The following PTPRK variants were observed in gnomAD, a reference collection of about 807,000 sequenced individuals.
PTPRK encodes the protein receptor-type tyrosine-protein phosphatase kappa.
A neutral mutation model predicts 178.0 loss-of-function variants in PTPRK; 75 were observed. The observed-to-expected ratio is 0.42, with a 90% confidence interval of 0.35 to 0.51. The LOEUF (loss-of-function observed/expected upper bound fraction) is 0.51. PTPRK is among the 20% of genes least tolerant of loss of function. The pLI, the probability that PTPRK is intolerant of heterozygous loss-of-function variation, is 0.02. For missense variants in PTPRK, 1,441 were observed against 1,797.8 expected (o/e 0.80, Z 3.59); for synonymous variants, 637 against 620.6 (o/e 1.03, Z -0.39).
intron 1 of PTPRK, among the ~76,000 whole-genome samples, chr6:128,449,196 C>G (rs1048543951): frequency 3.6e-4 from 55 of 152,124 alleles, no homozygotes; most frequent in Non-Finnish European, 1.6e-4. Flanking sequence ...TGTTTGCACT[C>G]AAGTGATTTT....
chr6:128,283,641 T>C (rs1030087160), intron 3 of PTPRK, among the ~76,000 whole-genome samples: 25 of 152,082 alleles, frequency 1.6e-4, no homozygotes, highest in Middle Eastern at 6.8e-3. Flanking sequence ...GACCGAAAAA[T>C]AATATAAATA....
chr6:128,389,554 G>A (rs1839265050), intron 2 of PTPRK, among the ~76,000 whole-genome samples: 1 of 151,396 alleles, frequency 6.6e-6, no homozygotes, highest in Non-Finnish European at 1.5e-5. Context: ...GAAGTATAAG[G>A]TCATAACTGT....
chr6:127,974,152 T>C (rs756681686), intron 27 of PTPRK, among the ~76,000 whole-genome samples: 2 of 152,202 alleles, frequency 1.3e-5, no homozygotes, highest in Non-Finnish European at 2.9e-5. Context: ...CAGGTTCTGA[T>C]AATTACCTCC....
At chr6:128,121,697 T>C (rs528008125) in intron 7 of PTPRK, among the ~76,000 whole-genome samples, 108 of 152,146 alleles carry the variant, frequency 7.1e-4, no homozygotes, top group African/African-American at 2.6e-3. Flanking sequence ...CCCTAAATGA[T>C]TGCCTTTTTG....
chr6:128,105,584 A>C (rs1477437039), intron 7 of PTPRK, among the ~76,000 whole-genome samples: 1 of 152,214 alleles, frequency 6.6e-6, no homozygotes, highest in African/African-American at 2.4e-5. Flanking sequence ...GACAGAAAGA[A>C]AATTACTGAA....
At chr6:128,278,059 T>A (rs1051364391) in intron 3 of PTPRK, among the ~76,000 whole-genome samples, 3 of 152,088 alleles carry the variant, frequency 2.0e-5, no homozygotes, top group African/African-American at 4.8e-5. Flanking sequence ...TCTGGCTCTT[T>A]TCCCAAAAAA....
intron 7 of PTPRK, among the ~76,000 whole-genome samples, chr6:128,109,177 C>T (rs935785290): frequency 6.6e-6 from 1 of 152,000 alleles, no homozygotes; most frequent in African/African-American, 2.4e-5. Flanking sequence ...TGCAAATGAA[C>T]AGCCTCATCA....
At chr6:127,993,909 T>C (rs1241565386) in intron 18 of PTPRK, among the ~76,000 whole-genome samples, 1 of 151,686 alleles carries the variant, frequency 6.6e-6, no homozygotes, top group Non-Finnish European at 1.5e-5. Context: ...TCCTACCATA[T>C]GAACCATGAA....
chr6:128,200,357 T>C (rs984656595), intron 6 of PTPRK, among the ~76,000 whole-genome samples: 3 of 152,138 alleles, frequency 2.0e-5, no homozygotes, highest in African/African-American at 7.2e-5. Context: ...ATTTGACTTT[T>C]ATCATGAAGA....
intron 2 of PTPRK, among the ~76,000 whole-genome samples, chr6:128,327,387 G>C (rs531494588): frequency 6.6e-6 from 1 of 152,170 alleles, no homozygotes; most frequent in East Asian, 1.9e-4. Context: ...TAAACTAAAA[G>C]CAAAATTTCA....
Position 127,977,052 on chromosome 6 carries a change from G to A in PTPRK, c.3714C>T (p.Ser1238=). 6.2e-7 allele frequency: 1 copy of A among 1,613,650 alleles called. No homozygotes were observed. ...CGATGAAAGCAGCTGGTTGCCTGTAGCTCTGTGAAGAAACAAGGTAGATGG... is the reference window on the plus strand; with the variant it reads ...CGATGAAAGCAGCTGGTTGCCTGTAACTCTGTGAAGAAACAAGGTAGATGG... ...SNYINAALMD[S]YRQPAAFIVT... is the part of the protein sequence containing the mutation. Residue 1238 remains serine (S), a splice_region_variant and synonymous_variant, in exon 26 of 30, where the codon AGC becomes AGT. Coordinates refer to ENST00000368226, the MANE Select transcript of PTPRK (RefSeq NM_002844.4).
At chr6:128,214,544 C>CATTATTATTATTATTATTATT (rs369013218) in intron 6 of PTPRK, among the ~76,000 whole-genome samples, 1,933 of 150,008 alleles carry the variant, frequency 0.013, 31 homozygotes, top group East Asian at 0.045. Flanking sequence ...ACCAGTGATG[C>CATTATTATTATTATTATTATT]ATTATTATTA....
chr6:128,269,528 A>T (rs1333309481), intron 3 of PTPRK, among the ~76,000 whole-genome samples: 1 of 152,048 alleles, frequency 6.6e-6, no homozygotes, highest in African/African-American at 2.4e-5. Context: ...TTTAAAAAAA[A>T]AAAAGGTATA....
At chr6:128,170,500 A>G (rs939445962) in intron 7 of PTPRK, among the ~76,000 whole-genome samples, 3 of 152,048 alleles carry the variant, frequency 2.0e-5, no homozygotes, top group African/African-American at 7.2e-5. Context: ...TCTAAAGGTA[A>G]TATTTCCTAA....
chr6:127,987,679 C>G (rs932338366), intron 21 of PTPRK, among the ~76,000 whole-genome samples: 1 of 152,036 alleles, frequency 6.6e-6, no homozygotes, highest in African/African-American at 2.4e-5. Flanking sequence ...AGTAGTTACA[C>G]AGTTTATTCC....
intron 3 of PTPRK, among the ~76,000 whole-genome samples, chr6:128,281,794 C>A (rs530528065): frequency 1.3e-4 from 20 of 152,270 alleles, no homozygotes; most frequent in African/African-American, 4.8e-4. Flanking sequence ...CAGAGAGGTG[C>A]AAGCCAGTGG....
chr6:128,211,656 C>T (rs1447925038), intron 6 of PTPRK, among the ~76,000 whole-genome samples: 5 of 152,006 alleles, frequency 3.3e-5, no homozygotes, highest in Non-Finnish European at 7.4e-5. Context: ...TCATGCTTTA[C>T]TGGTCAGCAG....
intron 5 of PTPRK, chr6:128,238,207 A>AC: frequency 5.7e-5 from 21 of 365,470 alleles, no homozygotes; most frequent in South Asian, 3.9e-4. Context: ...AAAAAAGAAA[A>AC]GAAAAAAAAA....
At chr6:128,036,945 T>G (rs1776332869) in intron 13 of PTPRK, among the ~76,000 whole-genome samples, 1 of 152,248 alleles carries the variant, frequency 6.6e-6, no homozygotes, top group Admixed American at 6.5e-5. Flanking sequence ...TTGGCCAGAA[T>G]GCTCTTGAAC....
Sources: gnomAD v4.1 joint callset for allele counts (sites outside exome capture counted in the v4.1 genomes callset) on GRCh38, gnomAD v4.1.1 for gene constraint, MANE v1.5 for transcripts, NCBI Gene and HGNC (gene_info 2026-07-23, HGNC 2026-07-21) for gene names.